HIVEP2: variants seen among roughly 807,000 people sequenced by gnomAD.
HIVEP2 encodes transcription factor HIVEP2.
HIVEP2 carries 14 observed loss-of-function variants against 180.7 expected under a neutral mutation model. The ratio of observed to expected loss-of-function variants is 0.08; its 90% CI spans 0.05 to 0.12. The LOEUF (loss-of-function observed/expected upper bound fraction) is 0.12, where lower values mean the gene tolerates loss of function less well. Among genes scored for constraint, HIVEP2 ranks in the 10% least tolerant of loss-of-function variants. HIVEP2 has a pLI of 1.00. For missense variants in HIVEP2, 2,579 were observed against 3,008.5 expected (o/e 0.86, Z 3.34); for synonymous variants, 1,184 against 1,136.4 (o/e 1.04, Z -0.84).
intron 9 of HIVEP2, among the ~76,000 whole-genome samples, chr6:142,758,391 A>G (rs1182163702): frequency 6.6e-6 from 1 of 152,200 alleles, no homozygotes; most frequent in Non-Finnish European, 1.5e-5. Context: ...CTCAGGATTC[A>G]GGGTGGTGGA....
At chr6:142,833,511 A>G (rs574991525) in intron 2 of HIVEP2, among the ~76,000 whole-genome samples, 1 of 152,210 alleles carries the variant, frequency 6.6e-6, no homozygotes, top group East Asian at 1.9e-4. Flanking sequence ...AGGGTTTCAG[A>G]TGGCTGCAGC....
At chr6:142,905,390 G>A (rs1016210835) in intron 1 of HIVEP2, among the ~76,000 whole-genome samples, 2 of 152,100 alleles carry the variant, frequency 1.3e-5, no homozygotes, top group East Asian at 3.9e-4. Context: ...CAATACGGGG[G>A]CCCACTAAAA....
At chr6:142,822,951 A>G (rs534052122) in intron 2 of HIVEP2, among the ~76,000 whole-genome samples, 5 of 152,320 alleles carry the variant, frequency 3.3e-5, no homozygotes, top group Admixed American at 3.3e-4. Flanking sequence ...CTCCTGTTCC[A>G]GCCCCACCTG....
intron 1 of HIVEP2, among the ~76,000 whole-genome samples, chr6:142,873,813 T>C (rs922862920): frequency 6.6e-6 from 1 of 152,188 alleles, no homozygotes; most frequent in African/African-American, 2.4e-5. Flanking sequence ...AGGTGTTCCC[T>C]AGCTCCTGAA....
At chr6:142,822,031 A>G (rs1361872378) in intron 2 of HIVEP2, among the ~76,000 whole-genome samples, 3 of 152,252 alleles carry the variant, frequency 2.0e-5, no homozygotes, top group Non-Finnish European at 4.4e-5. Flanking sequence ...AAAGGCACTC[A>G]TTCCCTTGGC....
At chr6:142,787,090 T>A (rs1562517855) in intron 2 of HIVEP2, among the ~76,000 whole-genome samples, 1 of 151,836 alleles carries the variant, frequency 6.6e-6, no homozygotes, top group African/African-American at 2.4e-5. Flanking sequence ...CAAGACCCTA[T>A]CTCTATAAAA....
intron 2 of HIVEP2, among the ~76,000 whole-genome samples, chr6:142,823,651 AT>A (rs1777101405): frequency 6.6e-6 from 1 of 152,348 alleles, no homozygotes; most frequent in African/African-American, 2.4e-5. Flanking sequence ...AGAATCGTTA[AT>A]AATTAGAGCA....
intron 1 of HIVEP2, among the ~76,000 whole-genome samples, chr6:142,923,178 C>T (rs981793749): frequency 6.6e-6 from 1 of 151,946 alleles, no homozygotes; most frequent in African/African-American, 2.4e-5. Context: ...ACTAAAAATA[C>T]AAAAATTAGC....
chr6:142,823,603 C>T (rs556359033), intron 2 of HIVEP2, among the ~76,000 whole-genome samples: 40 of 152,372 alleles, frequency 2.6e-4, no homozygotes, highest in African/African-American at 9.6e-4. Context: ...CCAAGCATCC[C>T]TTTCCTGGTT....
chr6:142,816,436 T>A (rs756887971), intron 2 of HIVEP2, among the ~76,000 whole-genome samples: 2 of 152,194 alleles, frequency 1.3e-5, no homozygotes, highest in African/African-American at 2.4e-5. Context: ...TGTTATCCTA[T>A]CCTATTTCAA....
intron 1 of HIVEP2, among the ~76,000 whole-genome samples, chr6:142,894,768 G>A (rs1196941924): frequency 1.3e-5 from 2 of 152,066 alleles, no homozygotes; most frequent in African/African-American, 2.4e-5. Flanking sequence ...CTTGGACAAG[G>A]GCATAGAGCT....
chr6:142,768,589 G>A (rs1228719616), intron 5 of HIVEP2, 53 bp from the exon 6 acceptor site: 2 of 1,569,392 alleles, frequency 1.3e-6, no homozygotes, highest in African/African-American at 1.4e-5. Flanking sequence ...AGACACAGGA[G>A]CCCCTATGTC....
chr6:142,855,848 TA>T (rs1166470671), intron 1 of HIVEP2, among the ~76,000 whole-genome samples: 1 of 152,138 alleles, frequency 6.6e-6, no homozygotes, highest in Admixed American at 6.5e-5. Context: ...GCAAACTTAT[TA>T]AAAATACACT....
At chr6:142,766,611 A>C (rs754710704) in intron 6 of HIVEP2, among the ~76,000 whole-genome samples, 1 of 152,206 alleles carries the variant, frequency 6.6e-6, no homozygotes, top group Non-Finnish European at 1.5e-5. Context: ...CAAGCAGTAT[A>C]ATTTTATTTT....
At chr6:142,761,216 T>C (rs187048394) in intron 8 of HIVEP2, among the ~76,000 whole-genome samples, 6 of 152,352 alleles carry the variant, frequency 3.9e-5, no homozygotes, top group Admixed American at 6.5e-5. Context: ...ATTCCCTTCA[T>C]AGAAGGCTCT....
chr6:142,936,485 A>C (rs919485188), intron 1 of HIVEP2, among the ~76,000 whole-genome samples: 1 of 151,944 alleles, frequency 6.6e-6, no homozygotes, highest in African/African-American at 2.4e-5. Context: ...CCACCGCCCG[A>C]CCACCAGCAC....
chr6:142,856,576 A>G (rs1339667040), intron 1 of HIVEP2, among the ~76,000 whole-genome samples: 1 of 152,236 alleles, frequency 6.6e-6, no homozygotes, highest in African/African-American at 2.4e-5. Flanking sequence ...AAGCACTGAA[A>G]TCAAGCTTCA....
intron 1 of HIVEP2, among the ~76,000 whole-genome samples, chr6:142,860,173 T>C (rs1159686074): frequency 6.6e-6 from 1 of 152,210 alleles, no homozygotes; most frequent in Non-Finnish European, 1.5e-5. Context: ...TTGTATGTTA[T>C]GTACATGTAT....
intron 1 of HIVEP2, among the ~76,000 whole-genome samples, chr6:142,856,143 G>C (rs1168721334): frequency 3.3e-5 from 5 of 151,896 alleles, no homozygotes; most frequent in Admixed American, 3.3e-4. Context: ...ACCACATCCT[G>C]GTAAGGGGGA....
Sources: gnomAD v4.1 joint callset for allele counts (sites outside exome capture counted in the v4.1 genomes callset) on GRCh38, gnomAD v4.1.1 for gene constraint, MANE v1.5 for transcripts, NCBI Gene and HGNC (gene_info 2026-07-23, HGNC 2026-07-21) for gene names.